AK8: variants seen among roughly 807,000 people sequenced by gnomAD.
AK8 encodes adenylate kinase 8.
Under a neutral mutation model 54.6 loss-of-function variants are expected in AK8, and 44 were observed. The ratio of observed to expected loss-of-function variants is 0.81; its 90% CI spans 0.63 to 1.04. AK8 has a LOEUF of 1.04. Among genes scored for constraint, AK8 ranks in the 50% least tolerant of loss-of-function variants. The pLI is 0.00. For synonymous variants in AK8, 239 were observed against 245.6 expected (o/e 0.97, Z 0.25); for missense variants, 555 against 613.6 (o/e 0.90, Z 1.01).
At chr9:132,828,425 C>G (rs1045267136) in intron 6 of AK8, among the ~76,000 whole-genome samples, 4 of 152,230 alleles carry the variant, frequency 2.6e-5, no homozygotes, top group African/African-American at 9.6e-5. Flanking sequence ...CTTCCTGAGA[C>G]AAGGAATCGC....
intron 1 of AK8, chr9:132,877,777 C>G: frequency 2.1e-6 from 1 of 473,616 alleles, no homozygotes. Context: ...AGGCTCCCCA[C>G]AAATTCGACA....
intron 7 of AK8, 36 bp downstream of exon 7, chr9:132,827,977 C>A (rs751795457): frequency 4.5e-6 from 7 of 1,545,368 alleles, no homozygotes; most frequent in East Asian, 2.4e-5. Flanking sequence ...GACTCTGAAA[C>A]CCCATGGGGC....
intron 11 of AK8, among the ~76,000 whole-genome samples, chr9:132,747,342 T>C (rs1465793009): frequency 6.6e-6 from 1 of 151,924 alleles, no homozygotes; most frequent in Non-Finnish European, 1.5e-5. Context: ...GGTTTCACCA[T>C]GTTGGTTTCA....
Position 132,725,685 on chromosome 9 carries a change from C to A in AK8, c.*3G>T. 6 of 1,569,452 alleles carry A rather than the reference C, an allele frequency of 3.8e-6. No individual in the cohort carries two copies. Among genetic ancestry groups the A allele is most frequent in the Non-Finnish European group, 5.2e-6 (6 of 1,153,308 alleles). On this transcript the variant is annotated 3_prime_UTR_variant, in exon 13 of 13. Coordinates refer to ENST00000298545, the MANE Select transcript of AK8 (RefSeq NM_152572.3). ...TGGGGCAGCGCTCCTGGCTCTGAAC[C>A]CATCAGGGGATTTTCTTGGGCAGGG...
At chr9:132,734,614 T>C (rs1421763557) in intron 11 of AK8, among the ~76,000 whole-genome samples, 1 of 152,096 alleles carries the variant, frequency 6.6e-6, no homozygotes, top group African/African-American at 2.4e-5. Context: ...GGCGCACCGA[T>C]AGTTCTGGCT....
intron 11 of AK8, among the ~76,000 whole-genome samples, chr9:132,763,486 T>C (rs1385600338): frequency 6.6e-6 from 1 of 152,238 alleles, no homozygotes; most frequent in Admixed American, 6.5e-5. Context: ...GGCCTAAAGG[T>C]TGCTTTATAC....
At chr9:132,877,307 G>A (rs1844161801) in intron 1 of AK8, among the ~76,000 whole-genome samples, 1 of 152,200 alleles carries the variant, frequency 6.6e-6, no homozygotes, top group Admixed American at 6.5e-5. Context: ...GTGCAGACAC[G>A]GGTTTCTTCG....
At chr9:132,785,071 A>C (rs1839632221) in intron 11 of AK8, among the ~76,000 whole-genome samples, 1 of 151,780 alleles carries the variant, frequency 6.6e-6, no homozygotes, top group Non-Finnish European at 1.5e-5. Flanking sequence ...TGGCTGGAGA[A>C]GGGGGATGAG....
In AK8 at chr9:132,826,748, G is replaced by A. The variant is rs1290488587; in HGVS notation, c.757+106C>T. 2 of 1,311,182 alleles carry A rather than the reference G, an allele frequency of 1.5e-6. No individual in the cohort carries two copies. The allele number at this position is 1,311,182 out of a possible 1,614,324, so 81.2% of individuals were successfully genotyped here. The stretch of plus-strand genomic sequence containing the variant: ...TCTTGACTTCCAGGGTCCCAGGCAT[G>A]TCCCAGACACTGGCCACTACCAGAA... On this transcript the variant is annotated intron_variant, in intron 8 of 12. Transcript: ENST00000298545. This position sits in a 1 kb window ranked among gnomAD's most constrained non-coding sequence, Gnocchi z 4.5.
chr9:132,737,651 A>G (rs1337547604), intron 11 of AK8, among the ~76,000 whole-genome samples: 2 of 152,242 alleles, frequency 1.3e-5, no homozygotes, highest in Non-Finnish European at 2.9e-5. Context: ...ATGTGGAAAA[A>G]GATCTGACAA....
At chr9:132,817,762 C>T (rs1242041278) in intron 9 of AK8, among the ~76,000 whole-genome samples, 1 of 152,160 alleles carries the variant, frequency 6.6e-6, no homozygotes, top group African/African-American at 2.4e-5. Context: ...ATATGTGGAA[C>T]TGTAGTTCCA....
intron 10 of AK8, among the ~76,000 whole-genome samples, chr9:132,793,069 CCT>C (rs869232084): frequency 1.8e-4 from 19 of 103,900 alleles, no homozygotes; most frequent in African/African-American, 3.8e-4. Context: ...AGATTGTCCC[CCT>C]GTCTTAGTCC....
At chr9:132,756,441 G>A (rs895237493) in intron 11 of AK8, among the ~76,000 whole-genome samples, 1 of 152,218 alleles carries the variant, frequency 6.6e-6, no homozygotes, top group Non-Finnish European at 1.5e-5. Flanking sequence ...TGCAACCTGC[G>A]AAGCAGTTTC....
rs1202151690 is a variant in AK8 at position 132,781,930 on chromosome 9, G to C, written c.1121+10704C>G. Among the ~76,000 whole-genome samples, 1 of 152,198 alleles carries C rather than the reference G, an allele frequency of 6.6e-6. No individual in the cohort carries two copies. Among genetic ancestry groups the C allele is most frequent in the Non-Finnish European group, 1.5e-5 (1 of 68,038 alleles). On this transcript the variant is annotated intron_variant, in intron 11 of 12. Coordinates refer to ENST00000298545, the MANE Select transcript of AK8 (RefSeq NM_152572.3). This position sits in a 1 kb window ranked among gnomAD's most constrained non-coding sequence, Gnocchi z 4.6. ...ACTGAAAGCTAAGGTGCTGGAGATG[G>C]AAGAGACAGAGATGAGAAAGGAGGA...
chr9:132,799,467 G>A lies in AK8; in HGVS notation c.980-6692C>T, dbSNP rs1216541422. Among the ~76,000 whole-genome samples, 6 of 151,712 alleles carry A rather than the reference G, an allele frequency of 4.0e-5. No individual in the cohort carries two copies. The highest frequency in any genetic ancestry group is 9.7e-5 in the African/African-American group (4 of 41,238). ...ACACCCTTGCACATGCCCTGCACACGTCACCCCTCCATGCACACTCATAAA... is the reference window on the plus strand; with the variant it reads ...ACACCCTTGCACATGCCCTGCACACATCACCCCTCCATGCACACTCATAAA... On this transcript the variant is annotated intron_variant, in intron 10 of 12. Transcript: ENST00000298545. This position sits in a 1 kb window ranked among gnomAD's most constrained non-coding sequence, Gnocchi z 5.0.
At chr9:132,779,385 G>A (rs183571032) in intron 11 of AK8, among the ~76,000 whole-genome samples, 79 of 152,338 alleles carry the variant, frequency 5.2e-4, no homozygotes, top group African/African-American at 1.8e-3. Flanking sequence ...GCAGGGGCAC[G>A]ATCATAGCTC....
At position 132,803,094 on chromosome 9, in the gene AK8, C is replaced by T. The variant is rs1840543700; in HGVS notation, c.980-10319G>A. Reference sequence around the variant, plus strand: ...CCAGGAGAGGTGCAGAGCGAAGGGGCAGAGCGGGGGAAAGCCCTTTATAAA... The same window carrying T: ...CCAGGAGAGGTGCAGAGCGAAGGGGTAGAGCGGGGGAAAGCCCTTTATAAA... On this transcript the variant is annotated intron_variant, in intron 10 of 12. Coordinates refer to ENST00000298545, the MANE Select transcript of AK8 (RefSeq NM_152572.3). This position sits in a 1 kb window ranked among gnomAD's most constrained non-coding sequence, Gnocchi z 4.4. Among the ~76,000 whole-genome samples the T allele has an allele frequency of 6.6e-6, 1 of 152,116 alleles. No individual in the cohort carries two copies.
intron 11 of AK8, among the ~76,000 whole-genome samples, chr9:132,741,077 G>T (rs1464707983): frequency 1.3e-5 from 2 of 152,104 alleles, no homozygotes; most frequent in African/African-American, 4.8e-5. Flanking sequence ...CATTTCCTGG[G>T]GGCACCCTGG....
chr9:132,740,990 C>T (rs908647657), intron 11 of AK8, among the ~76,000 whole-genome samples: 5 of 152,156 alleles, frequency 3.3e-5, no homozygotes, highest in Non-Finnish European at 5.9e-5. Context: ...TCAGGACCCT[C>T]GCTATCATCT....
Sources: allele counts gnomAD v4.1 joint callset (sites outside exome capture counted in the v4.1 genomes callset), GRCh38; gene constraint gnomAD v4.1.1; non-coding constraint Gnocchi (gnomAD v3.1); transcripts MANE v1.5; gene names NCBI Gene and HGNC (gene_info 2026-07-23, HGNC 2026-07-21).